SH3KBP1: variants seen among roughly 807,000 people sequenced by gnomAD.
SH3KBP1 encodes SH3 domain containing kinase binding protein 1.
A neutral mutation model predicts 50.1 loss-of-function variants in SH3KBP1; 8 were observed. The observed-to-expected ratio is 0.16, with a 90% CI of 0.09 to 0.29. The LOEUF (loss-of-function observed/expected upper bound fraction) is 0.29. SH3KBP1 is among the 10% of genes least tolerant of loss of function. The probability of loss-of-function intolerance (pLI) is 1.00; values close to 1 mark genes in which losing one functional copy is unlikely to be tolerated. For missense variants in SH3KBP1, 377 were observed against 535.2 expected (o/e 0.70, Z 2.92); for synonymous variants, 227 against 218.6 (o/e 1.04, Z -0.34).
chrX:19,621,012 G>GTT (rs57010197), intron 8 of SH3KBP1, among the ~76,000 whole-genome samples: 14,032 of 68,519 alleles, frequency 0.2, 1,403 homozygotes, highest in African/African-American at 0.29. Flanking sequence ...GTTCAGGTTG[G>GTT]TTTTTTTTTT....
chrX:19,663,116 AT>A lies in SH3KBP1; in HGVS notation c.727-17642del, dbSNP rs778212793. ...ATAAATGGTAAGTCTTTCATTATTC[AT>A]TTTGCATGTTCTCATCTTCCTGTAC... is the stretch of plus-strand genomic sequence containing the variant. On this transcript the variant is annotated intron_variant, in intron 6 of 17. Transcript: ENST00000397821. Among the ~76,000 whole-genome samples, 186 of 111,294 alleles carry A rather than the reference AT, an allele frequency of 1.7e-3. 1 individual carries two copies. The highest frequency in any genetic ancestry group is 5.4e-3 in the African/African-American group (167 of 30,658).
chrX:19,615,594 C>G (rs1015828451), intron 8 of SH3KBP1, among the ~76,000 whole-genome samples: 1 of 111,821 alleles, frequency 8.9e-6, no homozygotes, highest in African/African-American at 3.2e-5. Context: ...AAGCCGGGGC[C>G]CAGAAGCACT....
intron 2 of SH3KBP1, among the ~76,000 whole-genome samples, chrX:19,755,801 T>C (rs2065192385): frequency 8.9e-6 from 1 of 112,106 alleles, no homozygotes; most frequent in African/African-American, 3.2e-5. Flanking sequence ...ACCGGTTATG[T>C]TATCTATAGA....
chrX:19,552,733 G>A (rs2065278946), intron 13 of SH3KBP1, among the ~76,000 whole-genome samples: 1 of 110,472 alleles, frequency 9.1e-6, no homozygotes, highest in African/African-American at 3.3e-5. Context: ...AAACACCACT[G>A]CATCCCAGGA....
At chrX:19,886,289 C>G (rs1392532892) in intron 1 of SH3KBP1, among the ~76,000 whole-genome samples, 1 of 112,309 alleles carries the variant, frequency 8.9e-6, no homozygotes, top group Non-Finnish European at 1.9e-5. Flanking sequence ...TACCTGAACA[C>G]AGAAAGGTCT....
intron 2 of SH3KBP1, among the ~76,000 whole-genome samples, chrX:19,792,716 AG>A (rs1017395130): frequency 2.1e-5 from 2 of 95,989 alleles, no homozygotes; most frequent in African/African-American, 8.0e-5. Flanking sequence ...TGCCCCAGCA[AG>A]GGACATTTGG....
intron 2 of SH3KBP1, among the ~76,000 whole-genome samples, chrX:19,777,875 C>T (rs1183646957): frequency 1.8e-5 from 2 of 111,181 alleles, no homozygotes; most frequent in Admixed American, 1.9e-4. Context: ...GTCCAGCAGT[C>T]GGTGTTTGAG....
chrX:19,590,807 C>CTTTTT (rs1302700914), intron 11 of SH3KBP1, among the ~76,000 whole-genome samples: 1 of 66,451 alleles, frequency 1.5e-5, no homozygotes, highest in Non-Finnish European at 2.8e-5. Flanking sequence ...CCAGGCCTGG[C>CTTTTT]TATTTTTTTT....
intron 6 of SH3KBP1, among the ~76,000 whole-genome samples, chrX:19,657,818 C>G (rs928730940): frequency 1.0e-5 from 1 of 98,017 alleles, no homozygotes; most frequent in African/African-American, 3.8e-5. Context: ...AAGCCACTTA[C>G]AAAAAAGACA....
At chrX:19,647,286 A>C (rs2062012123) in intron 6 of SH3KBP1, among the ~76,000 whole-genome samples, 1 of 111,480 alleles carries the variant, frequency 9.0e-6, no homozygotes, top group African/African-American at 3.3e-5. Context: ...GAAAAAAAAA[A>C]AAAAGGACAC....
At chrX:19,744,391 GGTA>G (rs766559672) in intron 3 of SH3KBP1, among the ~76,000 whole-genome samples, 1 of 112,166 alleles carries the variant, frequency 8.9e-6, no homozygotes, top group South Asian at 3.7e-4. Flanking sequence ...TATTATAAGG[GGTA>G]GCAGAATACT....
At chrX:19,639,244 C>T (rs1013762376) in intron 7 of SH3KBP1, among the ~76,000 whole-genome samples, 4 of 111,851 alleles carry the variant, frequency 3.6e-5, no homozygotes, top group African/African-American at 1.3e-4. Context: ...CTCCAAACAA[C>T]CACCTTCGGT....
At chrX:19,584,236 A>C (rs567857670) in intron 12 of SH3KBP1, among the ~76,000 whole-genome samples, 177 of 91,195 alleles carry the variant, frequency 1.9e-3, no homozygotes, top group South Asian at 0.01. Flanking sequence ...AAATATATAT[A>C]AATATATGTA....
intron 7 of SH3KBP1, among the ~76,000 whole-genome samples, chrX:19,639,960 G>T (rs186534847): frequency 1.8e-3 from 171 of 96,048 alleles, no homozygotes; most frequent in African/African-American, 6.2e-3. Context: ...AAGCAAAAAT[G>T]AGCTGCACTG....
At chrX:19,556,954 G>C (rs1379544297) in intron 13 of SH3KBP1, among the ~76,000 whole-genome samples, 1 of 111,844 alleles carries the variant, frequency 8.9e-6, no homozygotes, top group African/African-American at 3.3e-5. Context: ...CTACAGACAT[G>C]AGCCACCATG....
intron 1 of SH3KBP1, among the ~76,000 whole-genome samples, chrX:19,844,789 T>G (rs1484338615): frequency 8.9e-6 from 1 of 112,337 alleles, no homozygotes; most frequent in Non-Finnish European, 1.9e-5. Context: ...TTTAAGAATA[T>G]GCATTAGAGG....
chrX:19,645,242 C>A (rs1031058851), intron 7 of SH3KBP1, among the ~76,000 whole-genome samples, 158 bp downstream of exon 7: 1 of 111,946 alleles, frequency 8.9e-6, no homozygotes, highest in Non-Finnish European at 1.9e-5. Context: ...CTGTGCCCAC[C>A]CTAATGGTGG....
chrX:19,594,069 T>C (rs2066826513), intron 10 of SH3KBP1, among the ~76,000 whole-genome samples: 1 of 112,464 alleles, frequency 8.9e-6, no homozygotes, highest in Admixed American at 9.4e-5. Flanking sequence ...AAATCACTTC[T>C]TAATAAGTTT....
chrX:19,878,879 A>G (rs1425159852), intron 1 of SH3KBP1, among the ~76,000 whole-genome samples: 2 of 112,695 alleles, frequency 1.8e-5, no homozygotes. Context: ...TAATGTACCA[A>G]AACCCATTGA....
Sources: allele counts gnomAD v4.1 joint callset (sites outside exome capture counted in the v4.1 genomes callset), GRCh38; gene constraint gnomAD v4.1.1; transcripts MANE v1.5; gene names NCBI Gene and HGNC (gene_info 2026-07-23, HGNC 2026-07-21).